Variants in KCTD1 observed in about 807,000 individuals in gnomAD.
The protein encoded by KCTD1 is potassium channel tetramerization domain containing 1, also known as BTB/POZ domain-containing protein KCTD1.
Under a neutral mutation model 66.0 loss-of-function variants are expected in KCTD1, and 24 were observed. The ratio of observed to expected loss-of-function variants is 0.36; its 90% CI spans 0.26 to 0.51. KCTD1 has a LOEUF of 0.51. Among genes scored for constraint, KCTD1 ranks in the 20% least tolerant of loss-of-function variants. The probability of loss-of-function intolerance (pLI) is 0.95; values close to 1 mark genes in which losing one functional copy is unlikely to be tolerated. For missense variants in KCTD1, 943 were observed against 1,205.2 expected (o/e 0.78, Z 3.22); for synonymous variants, 511 against 517.2 (o/e 0.99, Z 0.16).
rs1304829839 is a variant in KCTD1 at position 26,507,163 on chromosome 18, C to T, written c.1810-5913G>A. On this transcript the variant is annotated intron_variant, in intron 1 of 4. Coordinates refer to ENST00000580059, the MANE Select transcript of KCTD1 (RefSeq NM_001142730.3). ...CCTGGGTAACAGAGCAAAACTCCGT[C>T]TCAATAATAATAGTAATAATAATAA... 2.0e-5 allele frequency among the ~76,000 whole-genome samples: 3 copies of T among 152,214 alleles called. No homozygotes were observed. In the East Asian group the frequency reaches 5.8e-4, roughly 29 times the overall value.
rs1458598287 is a variant in KCTD1 at position 26,483,767 on chromosome 18, GCA to G, written c.1989-7110_1989-7109del. ...CGGAGATGTGTGTGTGTGTGTGTGT[GCA>G]CACATGAGAGGCATGTGCAGAGCTG... is the stretch of plus-strand genomic sequence containing the variant. On this transcript the variant is annotated intron_variant, in intron 2 of 4. Coordinates refer to ENST00000580059, the MANE Select transcript of KCTD1 (RefSeq NM_001142730.3). 3.9e-5 allele frequency among the ~76,000 whole-genome samples: 6 copies of G among 152,050 alleles called. No homozygotes were observed. In the East Asian group the frequency reaches 1.2e-3, roughly 29 times the overall value.
chr18:26,643,293 T>C (rs1324618477), upstream of KCTD1, among the ~76,000 whole-genome samples: 1 of 152,146 alleles, frequency 6.6e-6, no homozygotes, highest in African/African-American at 2.4e-5. Flanking sequence ...TACGAACTGG[T>C]AATTACTCTT....
rs1402737355 is a variant in KCTD1 at position 26,620,374 on chromosome 18, A to C, written c.-16+8773T>G. On this transcript the variant is annotated intron_variant, in intron 1 of 4. Transcript: ENST00000317932. ...AAAAAAAAAAAAAAAAAAAAAAAAA[A>C]AAAAAAAAAAACTATAACAAGTTAG... 1.3e-3 allele frequency among the ~76,000 whole-genome samples: 186 copies of C among 143,842 alleles called. 1 individual carries two copies. The highest frequency in any genetic ancestry group is 4.3e-3 in the African/African-American group (165 of 38,594). The allele number at this position is 143,842 out of a possible 152,430, so 94.4% of individuals were successfully genotyped here.
intron 1 of KCTD1, among the ~76,000 whole-genome samples, chr18:26,579,587 T>A (rs1873860139): frequency 6.6e-6 from 1 of 152,334 alleles, no homozygotes; most frequent in South Asian, 2.1e-4. Context: ...AAAATATAAG[T>A]GTAACATAGA....
chr18:26,645,405 T>A (rs958058897), intron 1 of KCTD1, among the ~76,000 whole-genome samples: 6 of 152,062 alleles, frequency 3.9e-5, no homozygotes, highest in Non-Finnish European at 5.9e-5. Flanking sequence ...ACATAAATCC[T>A]TTTATGTTTC....
At chr18:26,647,336 C>CCCT (rs1555649530) in intron 1 of KCTD1, among the ~76,000 whole-genome samples, 1 of 146,700 alleles carries the variant, frequency 6.8e-6, no homozygotes, top group African/African-American at 2.5e-5. Flanking sequence ...GTGAAACCCC[C>CCCT]CCCCCATCTC....
At chr18:26,490,968 G>T (rs1982168533) in intron 2 of KCTD1, among the ~76,000 whole-genome samples, 4 of 152,090 alleles carry the variant, frequency 2.6e-5, no homozygotes, top group Admixed American at 1.3e-4. Context: ...GCCCAGGCTG[G>T]TCTCAAACTC....
chr18:26,621,163 G>A (rs1568012180), intron 1 of KCTD1, among the ~76,000 whole-genome samples: 1 of 152,170 alleles, frequency 6.6e-6, no homozygotes, highest in African/African-American at 2.4e-5. Context: ...CTATGCTGAA[G>A]AATTTATTTC....
Position 26,547,261 on chromosome 18 carries a change from T to C in KCTD1, c.1276A>G (p.Ile426Val), listed in dbSNP as rs1249130441. The change falls in exon 1 of 5, where the codon ATC becomes GTC. Residue 426 changes from isoleucine (I) to valine (V), a missense_variant. Around this residue, in one of 10 missense-constraint regions of KCTD1, gnomAD observed 79 missense variants for 133.9 expected, o/e 0.59. Coordinates refer to ENST00000580059, the MANE Select transcript of KCTD1 (RefSeq NM_001142730.3). ...CGAGTGCCTAGCAAGTTCTTGCCGA[T>C]GGCTTTGTTCTCGTACCAGGTCACA... ...GDVTWYENKA[I>V]GKNLLGTRMQ... The C allele has an allele frequency of 6.4e-7, 1 of 1,551,696 alleles. No homozygotes were observed. Among genetic ancestry groups the C allele is most frequent in the Non-Finnish European group, 8.7e-7 (1 of 1,146,976 alleles).
intron 1 of KCTD1, chr18:26,657,261 C>G (rs1568023625): frequency 1.1e-6 from 1 of 895,498 alleles, no homozygotes; most frequent in Non-Finnish European, 1.3e-6. Flanking sequence ...GCCGCGCTCT[C>G]GCCCCATGCC....
rs780273328 is a variant in KCTD1 at position 26,593,077 on chromosome 18, G to A, written c.-16+36070C>T. On this transcript the variant is annotated intron_variant, in intron 1 of 4. Transcript: ENST00000317932. ...AGAATGCTGGTCTCTCCAGTCTCTC[G>A]TCCCCCTCTGGGCTTCAAGGTCAGT... Among the ~76,000 whole-genome samples, 8 of 152,194 alleles carry A rather than the reference G, an allele frequency of 5.3e-5. No individual in the cohort carries two copies. In the South Asian group the frequency reaches 1.0e-3, roughly 20 times the overall value.
chr18:26,617,397 T>A (rs1013008361), intron 1 of KCTD1, among the ~76,000 whole-genome samples: 1 of 152,174 alleles, frequency 6.6e-6, no homozygotes, highest in Non-Finnish European at 1.5e-5. Flanking sequence ...CCTCAACATA[T>A]CTCTCTCCCA....
intron 1 of KCTD1, among the ~76,000 whole-genome samples, chr18:26,640,153 A>G (rs1987805826): frequency 6.6e-6 from 1 of 152,090 alleles, no homozygotes; most frequent in African/African-American, 2.4e-5. Context: ...GTAGAGAATG[A>G]GAGTGTGGCT....
At chr18:26,543,825 G>GGA (rs1298105429) in intron 1 of KCTD1, 1 of 152,178 alleles carries the variant, frequency 6.6e-6, no homozygotes, top group Non-Finnish European at 1.5e-5. Flanking sequence ...GTTTAGCACA[G>GGA]GAGAGAGACA....
In KCTD1 at chr18:26,493,993, A is replaced by G. The variant is rs1416783275; in HGVS notation, c.1988+7079T>C. Among the ~76,000 whole-genome samples, 7 of 152,208 alleles carry G rather than the reference A, an allele frequency of 4.6e-5. No individual in the cohort carries two copies. In the East Asian group the frequency reaches 1.3e-3, roughly 29 times the overall value. On this transcript the variant is annotated intron_variant, in intron 2 of 4. Transcript: ENST00000580059. Reference sequence around the variant, plus strand: ...TACTGGCTGTCCTTCGCCCTTGCCCAGGTAAACTATAAGAGCAAGGACTTT... The same window carrying G: ...TACTGGCTGTCCTTCGCCCTTGCCCGGGTAAACTATAAGAGCAAGGACTTT...
intron 1 of KCTD1, among the ~76,000 whole-genome samples, chr18:26,511,952 G>C (rs140947807): frequency 2.4e-4 from 36 of 152,300 alleles, no homozygotes; most frequent in Admixed American, 7.2e-4. Flanking sequence ...CCAACTCTTA[G>C]TTCCATGTGC....
Position 26,476,408 on chromosome 18 carries a change from C to G in KCTD1, c.2133+107G>C, listed in dbSNP as rs964155416. 9.7e-7 allele frequency: 1 copy of G among 1,034,774 alleles called. No individual in the cohort carries two copies. Among genetic ancestry groups the G allele is most frequent in the African/African-American group, 1.6e-5 (1 of 61,234 alleles). The allele number at this position is 1,034,774 out of a possible 1,614,324, so 64.1% of individuals were successfully genotyped here. ...AACCATGTCAAAGAGAACTCTGGCA[C>G]CTTTCGAGTTGGTGTATGTTAATAA... On this transcript the variant is annotated intron_variant, in intron 3 of 4. Transcript: ENST00000580059. The surrounding 1 kb of genome is among the most constrained non-coding windows in gnomAD (Gnocchi z 4.9).
In KCTD1 at chr18:26,476,420, G is replaced by C; in HGVS notation, c.2133+95C>G. 1 of 1,177,954 alleles carries C rather than the reference G, an allele frequency of 8.5e-7. No homozygotes were observed. Among genetic ancestry groups the C allele is most frequent in the South Asian group, 1.6e-5 (1 of 63,472 alleles). 73.0% of individuals were successfully genotyped at this position (1,177,954 alleles called of 1,614,324 possible). On this transcript the variant is annotated intron_variant, in intron 3 of 4. Transcript: ENST00000580059. The surrounding 1 kb of genome is among the most constrained non-coding windows in gnomAD (Gnocchi z 4.9). Reference sequence around the variant, plus strand: ...GAGAACTCTGGCACCTTTCGAGTTGGTGTATGTTAATAATGTAGAACTAGA... The same window carrying C: ...GAGAACTCTGGCACCTTTCGAGTTGCTGTATGTTAATAATGTAGAACTAGA...
At chr18:26,499,405 T>C (rs1296211477) in intron 2 of KCTD1, among the ~76,000 whole-genome samples, 2 of 152,202 alleles carry the variant, frequency 1.3e-5, no homozygotes, top group African/African-American at 2.4e-5. Flanking sequence ...TATTCCAATA[T>C]ACTTAGGGAA....
Sources: gnomAD v4.1 joint callset for allele counts (sites outside exome capture counted in the v4.1 genomes callset) on GRCh38, gnomAD v4.1.1 for gene constraint, gnomAD v4.1.1 regional missense constraint, Gnocchi (gnomAD v3.1) non-coding constraint, MANE v1.5 for transcripts, NCBI Gene and HGNC (gene_info 2026-07-23, HGNC 2026-07-21) for gene names.